The following PTPN13 variants were observed in gnomAD, a reference collection of about 807,000 sequenced individuals.
PTPN13 encodes the protein tyrosine-protein phosphatase non-receptor type 13.
In PTPN13, 191 loss-of-function variants were observed where a neutral mutation model predicts 284.0. That is an observed-to-expected ratio of 0.67 (90% CI 0.60 to 0.76). PTPN13 has a LOEUF of 0.76. PTPN13 is among the 30% of genes least tolerant of loss of function. The pLI, the probability that PTPN13 is intolerant of heterozygous loss-of-function variation, is 0.00. For synonymous variants in PTPN13, 986 were observed against 1,022.3 expected, an observed-to-expected ratio of 0.96 and a Z score of 0.68; for missense variants, 2,797 against 2,939.9, an observed-to-expected ratio of 0.95 and a Z score of 1.12.
At chr4:86,730,219 C>G (rs1195148144) in intron 10 of PTPN13, among the ~76,000 whole-genome samples, 1 of 149,530 alleles carries the variant, frequency 6.7e-6, no homozygotes, top group Non-Finnish European at 1.5e-5. Context: ...AGAGGGGCAC[C>G]CAACCGTATG....
At chr4:86,794,115 C>G (rs1020417828) in intron 40 of PTPN13, among the ~76,000 whole-genome samples, 2 of 152,088 alleles carry the variant, frequency 1.3e-5, no homozygotes, top group African/African-American at 2.4e-5. Flanking sequence ...GTCAAATTGT[C>G]TCTGTTTGCA....
chr4:86,636,235 A>G (rs908576574), intron 2 of PTPN13, among the ~76,000 whole-genome samples: 8 of 152,342 alleles, frequency 5.3e-5, no homozygotes, highest in Non-Finnish European at 1.0e-4. Context: ...TCAGAATGAT[A>G]TAGGGTCAAC....
In PTPN13 at chr4:86,805,288, G is replaced by A. The variant is rs529827645; in HGVS notation, c.6664G>A (p.Glu2222Lys). 36 of 1,583,318 alleles carry A rather than the reference G, an allele frequency of 2.3e-5. No homozygotes were observed. The East Asian group carries it at 7.2e-4, about 32-fold the overall frequency. ...IPSKELENLQ[E>K]LKPLDQCLIG... ...CATGTTTTGCTTACAGAATCTTCAAGAATTAAAACCTTTGGATCAGTGTCT... is the reference window on the plus strand; with the variant it reads ...CATGTTTTGCTTACAGAATCTTCAAAAATTAAAACCTTTGGATCAGTGTCT... The change falls in exon 44 of 48, where the codon GAA becomes AAA. Residue 2222 changes from glutamate (E) to lysine (K), a missense_variant. Glu to Lys is a moderately conservative substitution (Grantham distance 56, BLOSUM62 1). Transcript: ENST00000411767.
At chr4:86,674,603 G>GT (rs1226347152) in intron 3 of PTPN13, among the ~76,000 whole-genome samples, 4 of 152,162 alleles carry the variant, frequency 2.6e-5, no homozygotes, top group South Asian at 2.1e-4. Flanking sequence ...GATATTCCAT[G>GT]AGCTACTTAA....
chr4:86,798,555 T>C (rs913184915), intron 41 of PTPN13, among the ~76,000 whole-genome samples: 1 of 151,318 alleles, frequency 6.6e-6, no homozygotes, highest in Non-Finnish European at 1.5e-5. Context: ...AGTTTCTCTT[T>C]CCTAGCCATC....
chr4:86,654,975 G>T (rs1441682021), intron 2 of PTPN13, among the ~76,000 whole-genome samples: 6 of 152,162 alleles, frequency 3.9e-5, no homozygotes, highest in Non-Finnish European at 2.9e-5. Flanking sequence ...TTGTTGAATT[G>T]ATCCCTTCAA....
chr4:86,751,208 T>C, intron 19 of PTPN13, 84 bp downstream of exon 19: 2 of 1,066,406 alleles, frequency 1.9e-6, no homozygotes, highest in Non-Finnish European at 2.7e-6. Flanking sequence ...TATCAAATTA[T>C]TTTGGGTTCC....
chr4:86,745,250 TA>T (rs2149183807), intron 17 of PTPN13, 122 bp downstream of exon 17: 2 of 914,648 alleles, frequency 2.2e-6, no homozygotes, highest in Admixed American at 5.9e-5. Context: ...GTTAAATAGC[TA>T]AATCAAGTCT....
intron 2 of PTPN13, among the ~76,000 whole-genome samples, chr4:86,648,876 A>G (rs1423947704): frequency 6.6e-6 from 1 of 152,134 alleles, no homozygotes; most frequent in African/African-American, 2.4e-5. Flanking sequence ...CTTTCTTCTT[A>G]TCCTCACCAA....
chr4:86,807,273 TA>T (rs1355695046), intron 44 of PTPN13, among the ~76,000 whole-genome samples: 2 of 152,190 alleles, frequency 1.3e-5, no homozygotes, highest in Non-Finnish European at 2.9e-5. Context: ...ATGCATTTAT[TA>T]ACTTACTAAT....
chr4:86,675,265 A>T (rs1377163618), intron 3 of PTPN13, among the ~76,000 whole-genome samples: 15 of 152,120 alleles, frequency 9.9e-5, no homozygotes, highest in Non-Finnish European at 2.1e-4. Context: ...TCTAATTGGA[A>T]CTTCTAGCTT....
intron 2 of PTPN13, among the ~76,000 whole-genome samples, chr4:86,656,630 C>T (rs913069282): frequency 3.9e-5 from 6 of 152,178 alleles, no homozygotes; most frequent in Non-Finnish European, 7.4e-5. Flanking sequence ...TGTCAGTCTG[C>T]CCCTACTGGA....
At chr4:86,719,457 C>T (rs112793114) in intron 9 of PTPN13, among the ~76,000 whole-genome samples, 12,450 of 152,026 alleles carry the variant, frequency 0.082, 647 homozygotes, top group Non-Finnish European at 0.11. Flanking sequence ...TGTGTCTTTA[C>T]GGTAGAGTGA....
At chr4:86,809,154 G>A (rs1015402262) in intron 45 of PTPN13, among the ~76,000 whole-genome samples, 14 of 152,242 alleles carry the variant, frequency 9.2e-5, no homozygotes, top group Non-Finnish European at 1.6e-4. Context: ...ATTAGGTAGT[G>A]TTGCAGTGAC....
chr4:86,638,749 C>A (rs1440246596), intron 2 of PTPN13, among the ~76,000 whole-genome samples: 1 of 152,062 alleles, frequency 6.6e-6, no homozygotes, highest in African/African-American at 2.4e-5. Flanking sequence ...CTTGGTATTA[C>A]CATTCAGGAC....
chr4:86,669,255 G>T (rs1371218705), intron 2 of PTPN13, among the ~76,000 whole-genome samples: 2 of 132,182 alleles, frequency 1.5e-5, no homozygotes, highest in Admixed American at 8.0e-5. Flanking sequence ...GACTCTATTA[G>T]CAAATGACCT....
At chr4:86,700,201 C>A (rs1474809459) in intron 6 of PTPN13, among the ~76,000 whole-genome samples, 1 of 152,022 alleles carries the variant, frequency 6.6e-6, no homozygotes, top group African/African-American at 2.4e-5. Flanking sequence ...CAATTGATGT[C>A]TTTAAATAAA....
intron 43 of PTPN13, among the ~76,000 whole-genome samples, chr4:86,804,582 C>T (rs973244787): frequency 2.6e-5 from 4 of 152,248 alleles, no homozygotes; most frequent in South Asian, 4.1e-4. Context: ...TAAATGTCAC[C>T]ATCAGAAAAG....
chr4:86,690,872 T>A (rs1262891014), intron 5 of PTPN13, among the ~76,000 whole-genome samples: 2 of 152,182 alleles, frequency 1.3e-5, no homozygotes, highest in African/African-American at 4.8e-5. Context: ...TGTTCATTTA[T>A]GTATGAAACC....
Sources: gnomAD v4.1 joint callset for allele counts (sites outside exome capture counted in the v4.1 genomes callset) on GRCh38, gnomAD v4.1.1 for gene constraint, MANE v1.5 for transcripts, NCBI Gene and HGNC (gene_info 2026-07-23, HGNC 2026-07-21) for gene names.